Variants in YIF1B observed in about 807,000 individuals in gnomAD.
YIF1B encodes the protein protein YIF1B.
In YIF1B, 24 loss-of-function variants were observed where a neutral mutation model predicts 34.6. The ratio of observed to expected loss-of-function variants is 0.69; its 90% confidence interval spans 0.50 to 0.98. The LOEUF is 0.98. Ranked by LOEUF, YIF1B falls within the 50% of genes least tolerant of loss-of-function variation. YIF1B has a pLI of 0.00. For missense variants in YIF1B, 368 were observed against 429.4 expected (o/e 0.86, Z 1.26); for synonymous variants, 186 against 184.8 (o/e 1.01, Z -0.05).
At position 38,309,657 on chromosome 19, in the gene YIF1B, G is replaced by A. The variant is rs1322793140; in HGVS notation, c.59-14C>T. On this transcript the variant is annotated splice_polypyrimidine_tract_variant and intron_variant, in intron 1 of 7. Coordinates refer to ENST00000339413, the MANE Select transcript of YIF1B (RefSeq NM_001039672.3). ...TCCGCTTCGAGGCTGCAAGGGAAGA[G>A]AGTGAGAAGGAGCTGGGGACCCAGG... The A allele has an allele frequency of 2.5e-6, 4 of 1,590,020 alleles. No individual in the cohort carries two copies. The highest frequency in any genetic ancestry group is 3.4e-6 in the Non-Finnish European group (4 of 1,171,678).
chr19:38,316,231 T>A (rs1969547619), upstream of YIF1B, among the ~76,000 whole-genome samples: 1 of 152,108 alleles, frequency 6.6e-6, no homozygotes, highest in African/African-American at 2.4e-5. Flanking sequence ...GTCTGCCCCT[T>A]GCCGGGGCTC....
chr19:38,304,906 TGAA>T lies in YIF1B; in HGVS notation c.*443_*445del, dbSNP rs139805446. The T allele has an allele frequency of 0.16, 251,888 of 1,549,840 alleles. 21,061 individuals are homozygous for T. The highest frequency in any genetic ancestry group is 0.24 in the Admixed American group (13,594 of 56,368). ...CCGGGCAAGGCCAAGAAGCCCAAAGTGAAGAAGAAGGAGAAGGGCAAGAAGGAG... is the reference window on the plus strand; with the variant it reads ...CCGGGCAAGGCCAAGAAGCCCAAAGTGAAGAAGGAGAAGGGCAAGAAGGAG... On this transcript the variant is annotated 3_prime_UTR_variant, in exon 8 of 8. Coordinates refer to ENST00000339413, the MANE Select transcript of YIF1B (RefSeq NM_001039672.3).
In YIF1B at chr19:38,304,301, G is replaced by A. The variant is rs1258089346; in HGVS notation, c.*1051C>T. ...GGGAGCAGGTGAGCTCCTGGGGAGT[G>A]TGGACTGGAGGTGCAGGGGGCCGGA... On this transcript the variant is annotated 3_prime_UTR_variant, in exon 8 of 8. Transcript: ENST00000339413. 1.9e-6 allele frequency: 3 copies of A among 1,613,736 alleles called. No homozygotes were observed. In the South Asian group the frequency reaches 3.3e-5, roughly 18 times the overall value.
chr19:38,311,761 G>A (rs535563419), intron 1 of YIF1B, among the ~76,000 whole-genome samples: 1 of 152,280 alleles, frequency 6.6e-6, no homozygotes, highest in Admixed American at 6.5e-5. Context: ...TCAGAGCTAG[G>A]AGGGACAGGA....
chr19:38,304,343 G>C lies in YIF1B; in HGVS notation c.*1009C>G. 1 of 1,609,766 alleles carries C rather than the reference G, an allele frequency of 6.2e-7. No individual in the cohort carries two copies. Among genetic ancestry groups the C allele is most frequent in the Non-Finnish European group, 8.5e-7 (1 of 1,178,760 alleles). ...GGGGCCGGACTCAAGCCCAGAAGCT[G>C]CCTGCACCAACCACCCAACTTCTCT... On this transcript the variant is annotated 3_prime_UTR_variant, in exon 8 of 8. Transcript: ENST00000339413.
intron 1 of YIF1B, among the ~76,000 whole-genome samples, chr19:38,310,997 G>A (rs1005663414): frequency 4.6e-5 from 7 of 152,120 alleles, no homozygotes; most frequent in Non-Finnish European, 8.8e-5. Context: ...GTCCCCCAAG[G>A]TGGGGATCTT....
chr19:38,313,058 T>C (rs2146312492), intron 1 of YIF1B, among the ~76,000 whole-genome samples: 1 of 151,966 alleles, frequency 6.6e-6, no homozygotes, highest in Admixed American at 6.6e-5. Flanking sequence ...TTCAAGCAGT[T>C]CTCCTGCCTC....
At chr19:38,311,839 C>T (rs2146310086) in intron 1 of YIF1B, among the ~76,000 whole-genome samples, 1 of 152,360 alleles carries the variant, frequency 6.6e-6, no homozygotes, top group African/African-American at 2.4e-5. Context: ...TGGCTTACGC[C>T]TGTAATCCCA....
intron 6 of YIF1B, 29 bp from the exon 7 acceptor site, chr19:38,307,550 G>A (rs1969108058): frequency 6.2e-7 from 1 of 1,613,698 alleles, no homozygotes; most frequent in Admixed American, 1.7e-5. Flanking sequence ...GCTGTGTGAG[G>A]ACAAGGCCCA....
chr19:38,318,604 G>A (rs957200903), upstream of YIF1B, among the ~76,000 whole-genome samples: 5 of 152,182 alleles, frequency 3.3e-5, no homozygotes, highest in Admixed American at 3.3e-4. Context: ...GTGTCCACAG[G>A]GCCTGGCAGA....
Position 38,304,516 on chromosome 19 carries a change from G to T in YIF1B, c.*836C>A, listed in dbSNP as rs1284189608. On this transcript the variant is annotated 3_prime_UTR_variant, in exon 8 of 8. Transcript: ENST00000339413. Reference sequence around the variant, plus strand: ...GTAAGTCGCCTCATCACCGGCTGCGGAGGGGCGGGAAGGCTGGGGTTGCCC... The same window carrying T: ...GTAAGTCGCCTCATCACCGGCTGCGTAGGGGCGGGAAGGCTGGGGTTGCCC... 2 of 1,563,710 alleles carry T rather than the reference G, an allele frequency of 1.3e-6. No individual in the cohort carries two copies. The highest frequency in any genetic ancestry group is 1.7e-6 in the Non-Finnish European group (2 of 1,154,378).
upstream of YIF1B, chr19:38,320,319 C>T: frequency 2.5e-6 from 4 of 1,592,994 alleles, no homozygotes; most frequent in Non-Finnish European, 3.4e-6. Context: ...GGGATCCCCA[C>T]TTCATCCTTA....
upstream of YIF1B, among the ~76,000 whole-genome samples, chr19:38,316,944 A>G (rs548555735): frequency 6.6e-6 from 1 of 152,302 alleles, no homozygotes; most frequent in East Asian, 1.9e-4. Flanking sequence ...TACAGACATG[A>G]GCCACAGTGC....
intron 5 of YIF1B, 120 bp downstream of exon 5, chr19:38,308,672 A>G (rs1045771695): frequency 1.6e-6 from 2 of 1,284,566 alleles, no homozygotes; most frequent in Non-Finnish European, 2.2e-6. Flanking sequence ...TCTTGGGCCA[A>G]CTGGGAGCAA....
intron 5 of YIF1B, 26 bp downstream of exon 5, chr19:38,308,766 T>C (rs1969173228): frequency 6.2e-7 from 1 of 1,613,668 alleles, no homozygotes; most frequent in Admixed American, 1.7e-5. Context: ...CCCCACCTTA[T>C]TCGGCCTGCC....
chr19:38,320,214 C>T, upstream of YIF1B: 1 of 1,603,794 alleles, frequency 6.2e-7, no homozygotes, highest in Non-Finnish European at 8.5e-7. Flanking sequence ...ACGCCTCGGA[C>T]CCCGCCTGGG....
upstream of YIF1B, chr19:38,320,230 G>A: frequency 6.2e-7 from 1 of 1,605,306 alleles, no homozygotes; most frequent in Non-Finnish European, 8.5e-7. Context: ...CTGGGACTTC[G>A]CCTCTGCTCT....
In YIF1B at chr19:38,305,274, C is replaced by T. The variant is rs934324844; in HGVS notation, c.*78G>A. The T allele has an allele frequency of 1.6e-5, 25 of 1,538,082 alleles. 1 individual carries two copies. The Admixed American group carries it at 4.6e-4, about 28-fold the overall frequency. ...GGCCAGACAGGGTGGACCTTGGGGCCTGCAGGCAGGAGATGAGTTCGGCGG... is the reference window on the plus strand; with the variant it reads ...GGCCAGACAGGGTGGACCTTGGGGCTTGCAGGCAGGAGATGAGTTCGGCGG... On this transcript the variant is annotated 3_prime_UTR_variant, in exon 8 of 8. Coordinates refer to ENST00000339413, the MANE Select transcript of YIF1B (RefSeq NM_001039672.3).
intron 5 of YIF1B, among the ~76,000 whole-genome samples, chr19:38,308,421 C>T (rs1401015656): frequency 3.6e-5 from 5 of 139,812 alleles, no homozygotes; most frequent in African/African-American, 1.3e-4. Flanking sequence ...GATAGCAGGG[C>T]GGGGCAGGGT....
Sources: allele counts gnomAD v4.1 joint callset (sites outside exome capture counted in the v4.1 genomes callset), GRCh38; gene constraint gnomAD v4.1.1; transcripts MANE v1.5; gene names NCBI Gene and HGNC (gene_info 2026-07-23, HGNC 2026-07-21).